The following NALCN variants were observed in gnomAD, a reference collection of about 807,000 sequenced individuals.
The protein encoded by NALCN is sodium leak channel, non-selective.
NALCN carries 111 observed loss-of-function variants against 225.3 expected under a neutral mutation model. The ratio of observed to expected loss-of-function variants is 0.49; its 90% confidence interval spans 0.42 to 0.58. The LOEUF (loss-of-function observed/expected upper bound fraction) is 0.58. Among genes scored for constraint, NALCN ranks in the 20% least tolerant of loss-of-function variants. The probability of loss-of-function intolerance (pLI) is 0.00; values close to 1 mark genes in which losing one functional copy is unlikely to be tolerated. For synonymous variants in NALCN, 764 were observed against 769.0 expected (o/e 0.99, Z 0.11); for missense variants, 1,378 against 2,202.4 (o/e 0.63, Z 7.49).
chr13:101,274,003 T>A (rs1422614834), intron 10 of NALCN, among the ~76,000 whole-genome samples: 1 of 151,986 alleles, frequency 6.6e-6, no homozygotes, highest in Non-Finnish European at 1.5e-5. Flanking sequence ...CCATTTCGTG[T>A]CATCTGGTGT....
At chr13:101,324,055 A>G (rs2044853458) in intron 7 of NALCN, among the ~76,000 whole-genome samples, 1 of 152,174 alleles carries the variant, frequency 6.6e-6, no homozygotes, top group Non-Finnish European at 1.5e-5. Context: ...ATTAACATTC[A>G]GAAAATATGC....
intron 30 of NALCN, among the ~76,000 whole-genome samples, chr13:101,084,762 G>T (rs1194387264): frequency 6.6e-6 from 1 of 152,112 alleles, no homozygotes; most frequent in Non-Finnish European, 1.5e-5. Flanking sequence ...GCTGCAATAA[G>T]CATCCATGTA....
Position 101,081,755 on chromosome 13 carries a change from T to A in NALCN, c.3766-109A>T, listed in dbSNP as rs1483595018. ...ATGTATTTTTTTCAAATGAAGAAAATTTTAAATTATTTGATGTGGACACAG... is the reference window on the plus strand; with the variant it reads ...ATGTATTTTTTTCAAATGAAGAAAAATTTAAATTATTTGATGTGGACACAG... On this transcript the variant is annotated intron_variant, in intron 33 of 43. Transcript: ENST00000251127. 3 of 1,326,848 alleles carry A rather than the reference T, an allele frequency of 2.3e-6. No homozygotes were observed. The African/African-American group carries it at 4.5e-5, about 20-fold the overall frequency. The allele number at this position is 1,326,848 out of a possible 1,614,324, so 82.2% of individuals were successfully genotyped here.
chr13:101,214,398 A>G (rs1034471159), intron 13 of NALCN, among the ~76,000 whole-genome samples: 1 of 152,250 alleles, frequency 6.6e-6, no homozygotes, highest in African/African-American at 2.4e-5. Flanking sequence ...TACATATGTA[A>G]CAAACCTGCA....
intron 10 of NALCN, among the ~76,000 whole-genome samples, chr13:101,258,903 G>A (rs957825236): frequency 6.6e-6 from 1 of 152,176 alleles, no homozygotes; most frequent in Non-Finnish European, 1.5e-5. Flanking sequence ...TGGATAAATG[G>A]CTTTTAAAAA....
intron 15 of NALCN, among the ~76,000 whole-genome samples, chr13:101,167,852 C>CAAAA: frequency 2.1e-5 from 2 of 96,596 alleles, no homozygotes; most frequent in East Asian, 4.2e-4. Context: ...AAAACAAAAA[C>CAAAA]AAAAACTGTT....
At chr13:101,160,548 T>G (rs1193571354) in intron 15 of NALCN, among the ~76,000 whole-genome samples, 1 of 152,218 alleles carries the variant, frequency 6.6e-6, no homozygotes, top group African/African-American at 2.4e-5. Flanking sequence ...CTGTTACCTT[T>G]GCCTAGACTG....
chr13:101,143,051 G>T (rs767147828), intron 17 of NALCN, 29 bp downstream of exon 17: 20 of 1,613,760 alleles, frequency 1.2e-5, no homozygotes, highest in East Asian at 1.1e-4. Flanking sequence ...CTTTTTAGAA[G>T]CCTGGTTATT....
intron 20 of NALCN, among the ~76,000 whole-genome samples, chr13:101,108,489 G>A (rs1052350512): frequency 5.3e-5 from 8 of 152,324 alleles, no homozygotes; most frequent in Admixed American, 5.2e-4. Flanking sequence ...AAGGCATAGA[G>A]AGACATAGAC....
chr13:101,200,178 T>C (rs2040060229), intron 13 of NALCN, among the ~76,000 whole-genome samples: 1 of 152,162 alleles, frequency 6.6e-6, no homozygotes, highest in South Asian at 2.1e-4. Context: ...TCTCAAGTAT[T>C]TGATGTGTCA....
intron 7 of NALCN, among the ~76,000 whole-genome samples, chr13:101,297,955 C>T (rs567413644): frequency 3.9e-5 from 6 of 152,224 alleles, no homozygotes; most frequent in Non-Finnish European, 7.3e-5. Context: ...TTGACTTTGT[C>T]CTGGTTAAAT....
chr13:101,244,964 A>G (rs1196246287), intron 11 of NALCN, among the ~76,000 whole-genome samples: 2 of 152,144 alleles, frequency 1.3e-5, no homozygotes. Flanking sequence ...AAAAGGGAGA[A>G]GGCAACTGGG....
intron 30 of NALCN, among the ~76,000 whole-genome samples, chr13:101,084,105 A>G (rs2033811217): frequency 6.6e-6 from 1 of 152,238 alleles, no homozygotes; most frequent in Non-Finnish European, 1.5e-5. Context: ...TTACATTTTC[A>G]AAAAAGGATA....
chr13:101,384,958 C>CCCCAG (rs1594769260), intron 3 of NALCN, among the ~76,000 whole-genome samples: 1 of 152,184 alleles, frequency 6.6e-6, no homozygotes, highest in African/African-American at 2.4e-5. Flanking sequence ...CAGTTTCTCT[C>CCCCAG]CCCAGCTGTG....
At chr13:101,363,795 A>G (rs923070107) in intron 6 of NALCN, among the ~76,000 whole-genome samples, 1 of 152,158 alleles carries the variant, frequency 6.6e-6, no homozygotes, top group African/African-American at 2.4e-5. Context: ...TTGAAGTGAC[A>G]GCCCACAGAA....
At chr13:101,148,896 C>A (rs952476814) in intron 15 of NALCN, among the ~76,000 whole-genome samples, 7 of 151,670 alleles carry the variant, frequency 4.6e-5, no homozygotes, top group African/African-American at 1.7e-4. Context: ...GTATGCGTGT[C>A]CTTAGATTCA....
At chr13:101,372,653 CAT>C (rs1162991233) in intron 6 of NALCN, among the ~76,000 whole-genome samples, 1 of 152,020 alleles carries the variant, frequency 6.6e-6, no homozygotes, top group Non-Finnish European at 1.5e-5. Context: ...AAAAATACAA[CAT>C]ATCAACATTT....
chr13:101,077,919 T>G (rs2139487841), intron 34 of NALCN, among the ~76,000 whole-genome samples: 1 of 152,344 alleles, frequency 6.6e-6, no homozygotes, highest in South Asian at 2.1e-4. Context: ...CTCTGCTCTA[T>G]GCAGCTTTGG....
chr13:101,350,768 T>C (rs1044038757), intron 6 of NALCN, among the ~76,000 whole-genome samples: 72 of 152,292 alleles, frequency 4.7e-4, no homozygotes, highest in African/African-American at 1.7e-3. Flanking sequence ...CCCTCCATAA[T>C]GTGAGTGGGA....
Sources: allele counts gnomAD v4.1 joint callset (sites outside exome capture counted in the v4.1 genomes callset), GRCh38; gene constraint gnomAD v4.1.1; transcripts MANE v1.5; gene names NCBI Gene and HGNC (gene_info 2026-07-23, HGNC 2026-07-21).